Variants in KANSL1 observed in about 807,000 individuals in gnomAD.
The protein encoded by KANSL1 is MLL1/MLL complex subunit KANSL1.
Under a neutral mutation model 103.6 loss-of-function variants are expected in KANSL1, and 22 were observed. The ratio of observed to expected loss-of-function variants is 0.21; its 90% CI spans 0.15 to 0.30. The LOEUF is 0.30. Ranked by LOEUF, KANSL1 falls within the 10% of genes least tolerant of loss-of-function variation. KANSL1 has a pLI of 1.00. For missense variants in KANSL1, 1,337 were observed against 1,399.8 expected, an observed-to-expected ratio of 0.96 and a Z score of 0.72; for synonymous variants, 600 against 527.6, an observed-to-expected ratio of 1.14 and a Z score of -1.88.
At chr17:46,118,325 C>T (rs990530983) in intron 2 of KANSL1, among the ~76,000 whole-genome samples, 14 of 152,238 alleles carry the variant, frequency 9.2e-5, no homozygotes, top group African/African-American at 3.1e-4. Context: ...GGTCTGCAAG[C>T]CTCTTAATGA....
At chr17:46,100,442 CCCAA>C (rs372750512) in intron 2 of KANSL1, among the ~76,000 whole-genome samples, 3,504 of 116,476 alleles carry the variant, frequency 0.03, 107 homozygotes, top group Non-Finnish European at 0.058. Flanking sequence ...ACTCCCTCTC[CCCAA>C]AAAAAAAAAA....
At chr17:46,148,110 C>T (rs938856113) in intron 2 of KANSL1, 11 of 152,220 alleles carry the variant, frequency 7.2e-5, no homozygotes, top group African/African-American at 2.7e-4. Flanking sequence ...AGTTTTGACA[C>T]ACACTAAATA....
intron 2 of KANSL1, among the ~76,000 whole-genome samples, chr17:46,130,392 A>C (rs1344423731): frequency 1.3e-5 from 2 of 152,194 alleles, no homozygotes; most frequent in Non-Finnish European, 1.5e-5. Context: ...TAGAGGATTT[A>C]AATAAAAGTC....
At position 46,034,203 on chromosome 17, in the gene KANSL1, G is replaced by A; in HGVS notation, c.2624C>T (p.Thr875Ile). ...CTTGTATTGCAGTTTCTCTACGCGA[G>A]TTGTTGCAGCAACAGACATTGGGAT... ...IVIPMSVAAT[T>I]RVEKLQYKEI... is the part of the protein sequence containing the mutation. Residue 875 changes from threonine to isoleucine, a missense_variant, in exon 11 of 15, where the codon ACT becomes ATT. By Grantham distance (89) the Thr-to-Ile change is moderately conservative. Transcript: ENST00000432791. The A allele has an allele frequency of 6.2e-7, 1 of 1,614,146 alleles. No individual in the cohort carries two copies. The highest frequency in any genetic ancestry group is 2.2e-5 in the East Asian group (1 of 44,882).
At chr17:46,091,571 TG>T (rs1438723037) in intron 3 of KANSL1, among the ~76,000 whole-genome samples, 3 of 152,206 alleles carry the variant, frequency 2.0e-5, no homozygotes, top group Non-Finnish European at 4.4e-5. Context: ...GCTCCATTCA[TG>T]GTAAGTGCCC....
intron 4 of KANSL1, among the ~76,000 whole-genome samples, chr17:46,072,164 C>T (rs768282785): frequency 1.3e-4 from 19 of 151,962 alleles, no homozygotes; most frequent in Non-Finnish European, 2.6e-4. Flanking sequence ...ATAGTTTTTA[C>T]GGGGGTCGTT....
intron 2 of KANSL1, among the ~76,000 whole-genome samples, chr17:46,102,342 C>T (rs1181006039): frequency 1.4e-4 from 22 of 152,150 alleles, no homozygotes; most frequent in Non-Finnish European, 2.5e-4. Context: ...CTCTGCCTCT[C>T]GGGTTCAAGT....
Position 46,038,665 on chromosome 17 carries a change from A to G in KANSL1, c.2414T>C (p.Met805Thr), listed in dbSNP as rs201526313. The G allele has an allele frequency of 3.8e-5, 61 of 1,614,178 alleles. No individual in the cohort carries two copies. The East Asian group carries it at 7.6e-4, about 20-fold the overall frequency. Residue 805 changes from methionine (M) to threonine (T), a missense_variant, in exon 10 of 15, where the codon ATG becomes ACG. Physicochemically the swap from Met to Thr is moderately conservative, Grantham distance 81 (BLOSUM62 -1). Around this residue, in one of 2 missense-constraint regions of KANSL1, gnomAD observed 780 missense variants for 923.4 expected, o/e 0.84. Coordinates refer to ENST00000432791, the MANE Select transcript of KANSL1 (RefSeq NM_015443.4). ...GGCTGCCAAGTAGCTCGAACTGCTCATGTCTGTGTGATGCTTCAACACTGC... is the reference window on the plus strand; with the variant it reads ...GGCTGCCAAGTAGCTCGAACTGCTCGTGTCTGTGTGATGCTTCAACACTGC... ...RSEVLKHHTD[M>T]SSSSYLAATH...
At chr17:46,105,945 ACACCCCC>A (rs2042541236) in intron 2 of KANSL1, among the ~76,000 whole-genome samples, 9 of 90,284 alleles carry the variant, frequency 1.0e-4, no homozygotes, top group Non-Finnish European at 1.9e-4. Context: ...ACACACACAC[ACACCCCC>A]CCAGAAGGGT....
intron 2 of KANSL1, among the ~76,000 whole-genome samples, chr17:46,098,643 T>C (rs2042179387): frequency 6.6e-6 from 1 of 152,224 alleles, no homozygotes; most frequent in South Asian, 2.1e-4. Context: ...AATAAACTAA[T>C]TAAAGAAAGG....
rs373472648 is a variant in KANSL1 at position 46,126,096 on chromosome 17, T to C, written c.1290-31395A>G. ...TCTTAAATATACCTCAATAAAGCTGTTGAAAAAGTAAAAGTCGGCCGGGCA... is the reference window on the plus strand; with the variant it reads ...TCTTAAATATACCTCAATAAAGCTGCTGAAAAAGTAAAAGTCGGCCGGGCA... On this transcript the variant is annotated intron_variant, in intron 2 of 14. Transcript: ENST00000432791. Among the ~76,000 whole-genome samples the C allele has an allele frequency of 2.6e-5, 4 of 152,106 alleles. 1 individual carries two copies. The South Asian group carries it at 8.3e-4, about 32-fold the overall frequency.
At chr17:46,136,573 G>A (rs1042770839) in intron 2 of KANSL1, among the ~76,000 whole-genome samples, 1 of 152,156 alleles carries the variant, frequency 6.6e-6, no homozygotes, top group Non-Finnish European at 1.5e-5. Flanking sequence ...AGGTAGACTG[G>A]ATGCCCAAAG....
intron 2 of KANSL1, among the ~76,000 whole-genome samples, chr17:46,137,853 C>A (rs755964197): frequency 3.5e-5 from 5 of 144,822 alleles, no homozygotes; most frequent in African/African-American, 1.3e-4. Context: ...GGCGACACAG[C>A]GAGACTCTGT....
At position 46,051,027 on chromosome 17, in the gene KANSL1, G is replaced by A. The variant is rs1051488466; in HGVS notation, c.1849-323C>T. Among the ~76,000 whole-genome samples, 93 of 152,190 alleles carry A rather than the reference G, an allele frequency of 6.1e-4. 1 individual carries two copies. The highest frequency in any genetic ancestry group is 2.1e-3 in the African/African-American group (85 of 41,428). On this transcript the variant is annotated intron_variant, in intron 6 of 14. Transcript: ENST00000432791. The stretch of plus-strand genomic sequence containing the variant: ...AAGATACTAAAACTGTGCTTTCTGA[G>A]AACACTTTATAAACTCTGCATGCTT...
Position 46,080,406 on chromosome 17 carries a change from G to T in KANSL1, c.1533+2035C>A, listed in dbSNP as rs530787262. On this transcript the variant is annotated intron_variant, in intron 4 of 14. Transcript: ENST00000432791. ...TGGAAAACAGGCTGGTTACATGTGG[G>T]TATGAAAACCTACAGTTGCCCTCTG... Among the ~76,000 whole-genome samples, 101 of 150,428 alleles carry T rather than the reference G, an allele frequency of 6.7e-4. 1 individual carries two copies. The highest frequency in any genetic ancestry group is 2.2e-3 in the African/African-American group (92 of 41,140).
chr17:46,033,884 G>C (rs1358701667), intron 11 of KANSL1, among the ~76,000 whole-genome samples: 1 of 152,202 alleles, frequency 6.6e-6, no homozygotes, highest in Non-Finnish European at 1.5e-5. Context: ...AACAAATTCA[G>C]TATTTTAAAA....
intron 1 of KANSL1, among the ~76,000 whole-genome samples, chr17:46,179,982 T>C (rs1411663647): frequency 6.6e-6 from 1 of 151,942 alleles, no homozygotes; most frequent in Non-Finnish European, 1.5e-5. Context: ...GATAATTGCT[T>C]GAACCCAGGA....
intron 2 of KANSL1, among the ~76,000 whole-genome samples, chr17:46,126,543 G>A (rs999091609): frequency 8.5e-5 from 13 of 152,140 alleles, no homozygotes; most frequent in Non-Finnish European, 1.6e-4. Context: ...AATATGTCAA[G>A]GAGATATACT....
At chr17:46,142,652 G>A (rs890388820) in intron 2 of KANSL1, among the ~76,000 whole-genome samples, 2 of 152,196 alleles carry the variant, frequency 1.3e-5, no homozygotes, top group African/African-American at 4.8e-5. Context: ...ATATGAGAAT[G>A]TTCAACTTCA....
Sources: gnomAD v4.1 joint callset for allele counts (sites outside exome capture counted in the v4.1 genomes callset) on GRCh38, gnomAD v4.1.1 for gene constraint, gnomAD v4.1.1 regional missense constraint, MANE v1.5 for transcripts, NCBI Gene and HGNC (gene_info 2026-07-23, HGNC 2026-07-21) for gene names.